TMEM132B: variants seen among roughly 807,000 people sequenced by gnomAD.
The protein encoded by TMEM132B is transmembrane protein 132B.
Under a neutral mutation model 90.8 loss-of-function variants are expected in TMEM132B, and 18 were observed. The ratio of observed to expected loss-of-function variants is 0.20; its 90% CI spans 0.14 to 0.29. The LOEUF is 0.29. Ranked by LOEUF, TMEM132B falls within the 10% of genes least tolerant of loss-of-function variation. The pLI, the probability that TMEM132B is intolerant of heterozygous loss-of-function variation, is 1.00. For missense variants in TMEM132B, 1,096 were observed against 1,326.8 expected, an observed-to-expected ratio of 0.83 and a Z score of 2.70; for synonymous variants, 504 against 523.3, an observed-to-expected ratio of 0.96 and a Z score of 0.50.
At chr12:125,518,953 C>G (rs1193274105) in intron 3 of TMEM132B, among the ~76,000 whole-genome samples, 1 of 152,216 alleles carries the variant, frequency 6.6e-6, no homozygotes, top group Non-Finnish European at 1.5e-5. Context: ...CCCCACTATT[C>G]TCTGCAAATT....
At position 125,458,164 on chromosome 12, in the gene TMEM132B, G is replaced by A. The variant is rs1292044709; in HGVS notation, c.1106+42487G>A. 1.3e-5 allele frequency among the ~76,000 whole-genome samples: 2 copies of A among 152,022 alleles called. No homozygotes were observed. Among genetic ancestry groups the A allele is most frequent in the East Asian group, 3.9e-4 (2 of 5,168 alleles). On this transcript the variant is annotated intron_variant, in intron 3 of 8. Coordinates refer to ENST00000682704, the MANE Select transcript of TMEM132B (RefSeq NM_001366854.1). The surrounding 1 kb of genome is among the most constrained non-coding windows in gnomAD (Gnocchi z 4.9). ...GACTCAGGGACAGAATCTGTGTGGG[G>A]GATGGAGCTGAGTGGGAGGCAGTGG... is the stretch of plus-strand genomic sequence containing the variant.
At chr12:125,230,882 C>T (rs1202757644) in intron 1 of TMEM132B, among the ~76,000 whole-genome samples, 1 of 152,140 alleles carries the variant, frequency 6.6e-6, no homozygotes, top group Admixed American at 6.5e-5. Context: ...GTGAATCTCT[C>T]TTGGTCTGGT....
At chr12:125,651,765 T>C (rs1267596509) in intron 7 of TMEM132B, among the ~76,000 whole-genome samples, 1 of 152,142 alleles carries the variant, frequency 6.6e-6, no homozygotes, top group Non-Finnish European at 1.5e-5. Flanking sequence ...ATCTGGGAGT[T>C]TGGGGAAAGG....
intron 5 of TMEM132B, among the ~76,000 whole-genome samples, chr12:125,612,536 C>T (rs1449847140): frequency 6.9e-6 from 1 of 145,722 alleles, no homozygotes; most frequent in Non-Finnish European, 1.5e-5. Flanking sequence ...TTATTTTGTA[C>T]AACATGATGT....
intron 5 of TMEM132B, among the ~76,000 whole-genome samples, chr12:125,641,534 A>G (rs1273196105): frequency 6.6e-6 from 1 of 152,200 alleles, no homozygotes; most frequent in Non-Finnish European, 1.5e-5. Flanking sequence ...AAGGGTATGC[A>G]TGTCCCAGGA....
chr12:125,332,083 A>G (rs1321646600), intron 1 of TMEM132B, among the ~76,000 whole-genome samples: 2 of 152,212 alleles, frequency 1.3e-5, no homozygotes, highest in African/African-American at 4.8e-5. Flanking sequence ...GTATTAATAT[A>G]CCATATGAAA....
At chr12:125,412,228 A>AGG (rs1438937925) in intron 2 of TMEM132B, among the ~76,000 whole-genome samples, 5 of 152,178 alleles carry the variant, frequency 3.3e-5, no homozygotes, top group African/African-American at 4.8e-5. Flanking sequence ...CCTGAGGACG[A>AGG]GGGGACCTGT....
intron 5 of TMEM132B, among the ~76,000 whole-genome samples, chr12:125,603,220 C>T (rs370497824): frequency 1.3e-5 from 2 of 152,144 alleles, no homozygotes; most frequent in African/African-American, 4.8e-5. Flanking sequence ...TACAAGGCTA[C>T]AGTAACTGAA....
intron 1 of TMEM132B, among the ~76,000 whole-genome samples, chr12:125,299,170 C>G (rs1875749176): frequency 6.6e-6 from 1 of 152,196 alleles, no homozygotes; most frequent in Non-Finnish European, 1.5e-5. Flanking sequence ...ATTCTTTTAC[C>G]TTGTTCTCTC....
chr12:125,474,987 G>A (rs1881832495), intron 3 of TMEM132B, among the ~76,000 whole-genome samples: 1 of 152,224 alleles, frequency 6.6e-6, no homozygotes, highest in Non-Finnish European at 1.5e-5. Flanking sequence ...TCATACCTGG[G>A]CAGAGATGGG....
intron 4 of TMEM132B, among the ~76,000 whole-genome samples, chr12:125,547,566 T>TTTG (rs907735633): frequency 8.5e-5 from 13 of 152,250 alleles, no homozygotes; most frequent in Non-Finnish European, 1.2e-4. Context: ...ATTTTTGTCT[T>TTTG]TTGTTGTTGT....
At chr12:125,316,544 T>C (rs1210430796) in intron 1 of TMEM132B, among the ~76,000 whole-genome samples, 1 of 42,838 alleles carries the variant, frequency 2.3e-5, no homozygotes, top group African/African-American at 1.5e-4. Context: ...AGGTCCTATG[T>C]ACCTTTAACC....
rs75431074 is a variant in TMEM132B, at chr12:125,306,882, T to G, written c.68-42570T>G. ...GCTCTAAATAATTGGTCATTCCCAT[T>G]ACCTCTATGACTTCCTGTCTGTTTA... On this transcript the variant is annotated intron_variant, in intron 1 of 8. Coordinates refer to ENST00000682704, the MANE Select transcript of TMEM132B (RefSeq NM_001366854.1). 8.5e-5 allele frequency among the ~76,000 whole-genome samples: 13 copies of G among 152,358 alleles called. No individual in the cohort carries two copies. The East Asian group carries it at 2.5e-3, about 29-fold the overall frequency.
intron 6 of TMEM132B, among the ~76,000 whole-genome samples, chr12:125,644,533 C>T (rs373580067): frequency 1.5e-4 from 23 of 152,086 alleles, no homozygotes; most frequent in African/African-American, 5.1e-4. Context: ...TTCAGTAAAA[C>T]GAATGCAATA....
chr12:125,215,706 G>A (rs1565976832), intron 1 of TMEM132B, among the ~76,000 whole-genome samples: 1 of 152,032 alleles, frequency 6.6e-6, no homozygotes, highest in African/African-American at 2.4e-5. Context: ...CACGCCTAGA[G>A]GATTTTTGTA....
At chr12:125,584,252 C>T in intron 5 of TMEM132B, 2 of 494,746 alleles carry the variant, frequency 4.0e-6, no homozygotes, top group Non-Finnish European at 7.3e-6. Flanking sequence ...AATTTATTCT[C>T]CTCCCCTTCT....
chr12:125,405,003 T>C (rs956340565), intron 2 of TMEM132B, among the ~76,000 whole-genome samples: 2 of 152,230 alleles, frequency 1.3e-5, no homozygotes, highest in African/African-American at 2.4e-5. Context: ...ACTCCGTCTG[T>C]GCCAGCACTT....
intron 1 of TMEM132B, among the ~76,000 whole-genome samples, chr12:125,235,025 T>A (rs1213951836): frequency 6.6e-6 from 1 of 152,174 alleles, no homozygotes; most frequent in African/African-American, 2.4e-5. Context: ...TGGTGAATAT[T>A]CCTAAGCCTC....
At chr12:125,282,220 T>G (rs564390791) in intron 1 of TMEM132B, among the ~76,000 whole-genome samples, 1 of 152,178 alleles carries the variant, frequency 6.6e-6, no homozygotes, top group Non-Finnish European at 1.5e-5. Flanking sequence ...GTAAACCCTT[T>G]GCTGCACTCA....
Sources: allele counts gnomAD v4.1 joint callset (sites outside exome capture counted in the v4.1 genomes callset), GRCh38; gene constraint gnomAD v4.1.1; non-coding constraint Gnocchi (gnomAD v3.1); transcripts MANE v1.5; gene names NCBI Gene and HGNC (gene_info 2026-07-23, HGNC 2026-07-21).